The following NELL1 variants were observed in gnomAD, a reference collection of about 807,000 sequenced individuals.
NELL1 encodes protein kinase C-binding protein NELL1.
In NELL1, 76 loss-of-function variants were observed where a neutral mutation model predicts 107.4. The ratio of observed to expected loss-of-function variants is 0.71; its 90% CI spans 0.59 to 0.86. The LOEUF (loss-of-function observed/expected upper bound fraction) is 0.86. NELL1 is among the 40% of genes least tolerant of loss of function. The pLI, the probability that NELL1 is intolerant of heterozygous loss-of-function variation, is 0.00. For synonymous variants in NELL1, 353 were observed against 341.2 expected (o/e 1.03, Z -0.38); for missense variants, 1,024 against 1,005.5 (o/e 1.02, Z -0.25).
At chr11:21,311,136 G>A (rs566097928) in intron 14 of NELL1, among the ~76,000 whole-genome samples, 14 of 152,210 alleles carry the variant, frequency 9.2e-5, no homozygotes, top group African/African-American at 3.1e-4. Context: ...TGATACATTT[G>A]TAAAAAGAAA....
chr11:21,272,578 G>A (rs944950077), intron 14 of NELL1, among the ~76,000 whole-genome samples: 1 of 152,198 alleles, frequency 6.6e-6, no homozygotes, highest in Non-Finnish European at 1.5e-5. Flanking sequence ...CACGCAGCTG[G>A]ACATCTGAGA....
At chr11:21,501,411 G>C (rs1170831431) in intron 15 of NELL1, among the ~76,000 whole-genome samples, 1 of 152,090 alleles carries the variant, frequency 6.6e-6, no homozygotes, top group African/African-American at 2.4e-5. Flanking sequence ...CACACTCCTT[G>C]GATACTGTGT....
At chr11:21,102,437 C>T (rs1183187419) in intron 12 of NELL1, among the ~76,000 whole-genome samples, 1 of 152,114 alleles carries the variant, frequency 6.6e-6, no homozygotes, top group Non-Finnish European at 1.5e-5. Context: ...GCCAGGTCTG[C>T]CTGGATTTTT....
Position 20,975,808 on chromosome 11 carries a change from C to T in NELL1, c.1300+15248C>T, listed in dbSNP as rs1442617450. On this transcript the variant is annotated intron_variant, in intron 12 of 19. Transcript: ENST00000357134. ...TATTATATATGTATTATATGATATACATATTATATATGTATTATATATGTA... is the reference window on the plus strand; with the variant it reads ...TATTATATATGTATTATATGATATATATATTATATATGTATTATATATGTA... Among the ~76,000 whole-genome samples, 5 of 125,372 alleles carry T rather than the reference C, an allele frequency of 4.0e-5. 1 individual carries two copies. The highest frequency in any genetic ancestry group is 1.6e-4 in the African/African-American group (5 of 30,652). 82.2% of individuals were successfully genotyped at this position (125,372 alleles called of 152,430 possible).
Position 20,960,407 on chromosome 11 carries a change from G to A in NELL1, c.1172-25G>A, listed in dbSNP as rs563627617. On this transcript the variant is annotated intron_variant, in intron 11 of 19. Transcript: ENST00000357134. ...TTACTTTATTTCCTCCTTTTCTGAT[G>A]TACGTTTTTATTTGTTTTTTCTAGG... The A allele has an allele frequency of 4.0e-5, 64 of 1,609,912 alleles. 1 individual carries two copies. In the South Asian group the frequency reaches 7.1e-4, roughly 18 times the overall value.
intron 12 of NELL1, among the ~76,000 whole-genome samples, chr11:21,087,324 A>T (rs1282214100): frequency 6.6e-6 from 1 of 152,024 alleles, no homozygotes; most frequent in African/African-American, 2.4e-5. Context: ...TTTTAAGAAA[A>T]TTTTTTTGTT....
At chr11:20,702,056 G>A (rs561042446) in intron 2 of NELL1, among the ~76,000 whole-genome samples, 2 of 152,264 alleles carry the variant, frequency 1.3e-5, no homozygotes, top group East Asian at 1.9e-4. Context: ...GAAAGTCATT[G>A]GTAGCTTGAT....
Position 20,729,078 on chromosome 11 carries a change from A to G in NELL1, c.184+51018A>G, listed in dbSNP as rs190407657. Among the ~76,000 whole-genome samples the G allele has an allele frequency of 7.9e-3, 1,198 of 152,048 alleles. 14 individuals are homozygous for G. Among genetic ancestry groups the G allele is most frequent in the African/African-American group, 0.028 (1,145 of 41,464 alleles). On this transcript the variant is annotated intron_variant, in intron 2 of 19. Transcript: ENST00000357134. ...TTTTTTTATGGCTATTATAAGTGGG[A>G]TTACATTCTTGAATTGGCTCTCAGC...
chr11:20,755,559 T>TTTTTTTTTTTTTA (rs1337491294), intron 2 of NELL1, among the ~76,000 whole-genome samples: 1 of 17,668 alleles, frequency 5.7e-5, no homozygotes, highest in South Asian at 3.6e-3. Flanking sequence ...TGTTTTTGTT[T>TTTTTTTTTTTTTA]TTGTTTTTTT....
rs147949063 is a variant in NELL1 at position 20,688,054 on chromosome 11, G to A, written c.184+9994G>A. 5.7e-3 allele frequency among the ~76,000 whole-genome samples: 870 copies of A among 152,024 alleles called. 1 individual carries two copies. Among genetic ancestry groups the A allele is most frequent in the African/African-American group, 0.02 (832 of 41,470 alleles). On this transcript the variant is annotated intron_variant, in intron 2 of 19. Coordinates refer to ENST00000357134, the MANE Select transcript of NELL1 (RefSeq NM_006157.5). ...ACAGATTTTTTTTCCTGTTTAATAA[G>A]TATGCAATTTAAAGTAAATTATTTA... is the stretch of plus-strand genomic sequence containing the variant.
rs34509347 is a variant in NELL1 at position 21,165,758 on chromosome 11, C to CTT, written c.1426+52065_1426+52066dup. ...CTTTAGCCATAAAAAACAATGAGATCTTTTTTTTTTTTTTTTTTTTTTGAG... is the reference window on the plus strand; with the variant it reads ...CTTTAGCCATAAAAAACAATGAGATCTTTTTTTTTTTTTTTTTTTTTTTTGAG... On this transcript the variant is annotated intron_variant, in intron 13 of 19. Transcript: ENST00000357134. 3.4e-3 allele frequency among the ~76,000 whole-genome samples: 338 copies of CTT among 98,440 alleles called. 2 individuals are homozygous for CTT. Among genetic ancestry groups the CTT allele is most frequent in the African/African-American group, 5.8e-3 (140 of 24,244 alleles). The allele number at this position is 98,440 out of a possible 152,430, so 64.6% of individuals were successfully genotyped here. A position where few individuals can be genotyped will look rare whatever the true frequency, so the allele number is the denominator to read the frequency against.
chr11:21,109,114 A>G (rs1417666001), intron 12 of NELL1, among the ~76,000 whole-genome samples: 2 of 152,092 alleles, frequency 1.3e-5, no homozygotes, highest in African/African-American at 4.8e-5. Flanking sequence ...TCCGAGCCTC[A>G]GTTTCGTGGC....
At chr11:21,302,040 G>A (rs1410429432) in intron 14 of NELL1, among the ~76,000 whole-genome samples, 1 of 152,046 alleles carries the variant, frequency 6.6e-6, no homozygotes, top group Non-Finnish European at 1.5e-5. Context: ...CCCATGATCT[G>A]TTCACTTGCT....
intron 2 of NELL1, among the ~76,000 whole-genome samples, chr11:20,755,550 G>GTT (rs1226891368): frequency 2.8e-4 from 32 of 114,542 alleles, no homozygotes; most frequent in African/African-American, 1.4e-3. Context: ...GTTTTTTTTT[G>GTT]TTTTTGTTTT....
chr11:21,309,290 A>AT (rs1554999598), intron 14 of NELL1, among the ~76,000 whole-genome samples: 4 of 123,712 alleles, frequency 3.2e-5, no homozygotes, highest in East Asian at 4.6e-4. Flanking sequence ...GTATATATAT[A>AT]TATATATATG....
chr11:20,894,319 A>G (rs906552829), intron 5 of NELL1, among the ~76,000 whole-genome samples: 2 of 152,236 alleles, frequency 1.3e-5, no homozygotes, highest in East Asian at 1.9e-4. Flanking sequence ...ATCAAAATAG[A>G]TGACTAAGAG....
At chr11:20,701,978 TC>T (rs1488632730) in intron 2 of NELL1, among the ~76,000 whole-genome samples, 1 of 152,176 alleles carries the variant, frequency 6.6e-6, no homozygotes, top group Non-Finnish European at 1.5e-5. Flanking sequence ...CTCAGAATTG[TC>T]TTGGCAATGC....
At chr11:20,837,555 C>T (rs1848556210) in intron 3 of NELL1, among the ~76,000 whole-genome samples, 1 of 152,082 alleles carries the variant, frequency 6.6e-6, no homozygotes, top group African/African-American at 2.4e-5. Context: ...AGGAACAAGC[C>T]TTCCTTGGAG....
intron 13 of NELL1, among the ~76,000 whole-genome samples, chr11:21,189,024 T>C (rs1275609388): frequency 6.6e-6 from 1 of 151,886 alleles, no homozygotes; most frequent in East Asian, 1.9e-4. Context: ...TAAAACCAAT[T>C]TGTATAGTAT....
Sources: gnomAD v4.1 joint callset for allele counts (sites outside exome capture counted in the v4.1 genomes callset) on GRCh38, gnomAD v4.1.1 for gene constraint, MANE v1.5 for transcripts, NCBI Gene and HGNC (gene_info 2026-07-23, HGNC 2026-07-21) for gene names.